SEC14L3: variants seen among roughly 807,000 people sequenced by gnomAD.
SEC14L3 encodes SEC14 like lipid binding 3.
SEC14L3 carries 56 observed loss-of-function variants against 57.4 expected under a neutral mutation model. The observed-to-expected ratio is 0.97, with a 90% CI of 0.79 to 1.22. The LOEUF (loss-of-function observed/expected upper bound fraction) is 1.22. SEC14L3 is among the 50% of genes most tolerant of loss of function. The pLI is 0.00. For synonymous variants in SEC14L3, 173 were observed against 194.4 expected (o/e 0.89, Z 0.92); for missense variants, 485 against 511.7 (o/e 0.95, Z 0.50).
Position 30,461,492 on chromosome 22 carries a change from G to T in SEC14L3, c.912-13C>A, listed in dbSNP as rs781573559. 2.5e-6 allele frequency: 4 copies of T among 1,612,760 alleles called. No homozygotes were observed. Among genetic ancestry groups the T allele is most frequent in the Non-Finnish European group, 2.5e-6 (3 of 1,179,236 alleles). ...TGAGAACTGCCACCTGTCAGGGGGA[G>T]GGGGAGGAGACAGGTTGCTGCTCAG... On this transcript the variant is annotated splice_polypyrimidine_tract_variant and intron_variant, in intron 10 of 11. Transcript: ENST00000215812.
At chr22:30,451,310 G>T (rs1481056455) in intron 12 of SEC14L3, among the ~76,000 whole-genome samples, 5 of 152,104 alleles carry the variant, frequency 3.3e-5, no homozygotes, top group Non-Finnish European at 7.3e-5. Flanking sequence ...CTTGGGTGGG[G>T]TTAGTCGGGG....
At chr22:30,471,601 G>A (rs1046351757) in intron 1 of SEC14L3, among the ~76,000 whole-genome samples, 1 of 152,124 alleles carries the variant, frequency 6.6e-6, no homozygotes, top group African/African-American at 2.4e-5. Flanking sequence ...GGGAGGAACG[G>A]GGGTACCTGG....
intron 1 of SEC14L3, 90 bp from the exon 2 acceptor site, chr22:30,470,672 T>C: frequency 6.3e-7 from 1 of 1,581,514 alleles, no homozygotes. Flanking sequence ...TCTCCTTTCC[T>C]CCCACATGCA....
chr22:30,467,020 T>G lies in SEC14L3; in HGVS notation c.481A>C (p.Lys161Gln), dbSNP rs1403982816. 1.9e-6 allele frequency: 3 copies of G among 1,614,120 alleles called. No homozygotes were observed. The highest frequency in any genetic ancestry group is 2.5e-6 in the Non-Finnish European group (3 of 1,179,998). The stretch of plus-strand genomic sequence containing the variant: ...TCTACCAGAGGTTTCCAGAAGTGTT[T>G]CAGTCCCAGGCCCTCACAGTCAAAT... ...MIFDCEGLGLKHFWKPLVEVY... is the reference protein window; with the variant it reads ...MIFDCEGLGLQHFWKPLVEVY... The change falls in exon 6 of 12, where the codon AAA (lysine) becomes CAA (glutamine). Residue 161 changes from lysine (K) to glutamine (Q), a missense_variant. Coordinates refer to ENST00000215812, the MANE Select transcript of SEC14L3 (RefSeq NM_174975.5).
intron 1 of SEC14L3, among the ~76,000 whole-genome samples, chr22:30,470,923 T>G (rs1264905495): frequency 6.6e-6 from 1 of 151,070 alleles, no homozygotes; most frequent in Non-Finnish European, 1.5e-5. Context: ...GAGAGATGGG[T>G]GGGTGATTGA....
intron 2 of SEC14L3, 90 bp downstream of exon 2, chr22:30,470,417 A>C: frequency 2.5e-6 from 4 of 1,604,086 alleles, no homozygotes; most frequent in Middle Eastern, 2.1e-4. Flanking sequence ...GTGTGGATGG[A>C]CCCTGAGAGC....
At position 30,461,996 on chromosome 22, in the gene SEC14L3, C is replaced by T. The variant is rs895332105; in HGVS notation, c.771+90G>A. ...TTAACACCCAGTTCTTGGCATCTCT[C>T]TATAGGTAATTGTGGATGAATGACT... On this transcript the variant is annotated intron_variant, in intron 9 of 11. Coordinates refer to ENST00000215812, the MANE Select transcript of SEC14L3 (RefSeq NM_174975.5). 5 of 1,354,746 alleles carry T rather than the reference C, an allele frequency of 3.7e-6. No individual in the cohort carries two copies. In the Admixed American group the frequency reaches 9.8e-5, roughly 26 times the overall value. 83.9% of individuals were successfully genotyped at this position (1,354,746 alleles called of 1,614,324 possible).
At chr22:30,452,629 G>T (rs903635538) in intron 12 of SEC14L3, among the ~76,000 whole-genome samples, 1 of 151,868 alleles carries the variant, frequency 6.6e-6, no homozygotes, top group Admixed American at 6.6e-5. Context: ...AAGCCAGCAC[G>T]GGGAGACAGA....
intron 12 of SEC14L3, among the ~76,000 whole-genome samples, chr22:30,451,536 G>T (rs1016681494): frequency 6.6e-6 from 1 of 152,150 alleles, no homozygotes; most frequent in Non-Finnish European, 1.5e-5. Flanking sequence ...CAGAATAGCA[G>T]ATAAGAAAAG....
At chr22:30,466,656 A>C (rs1935426056) in intron 6 of SEC14L3, among the ~76,000 whole-genome samples, 1 of 152,118 alleles carries the variant, frequency 6.6e-6, no homozygotes, top group Non-Finnish European at 1.5e-5. Context: ...TTAAATGTTC[A>C]CTATTTGCCA....
At chr22:30,450,280 G>A (rs548031813) in intron 12 of SEC14L3, among the ~76,000 whole-genome samples, 2 of 152,064 alleles carry the variant, frequency 1.3e-5, no homozygotes, top group Non-Finnish European at 2.9e-5. Context: ...GGAGCTGGAC[G>A]CGATCCTTTG....
At chr22:30,453,998 C>T (rs941386890) in intron 12 of SEC14L3, among the ~76,000 whole-genome samples, 3 of 152,100 alleles carry the variant, frequency 2.0e-5, no homozygotes, top group Non-Finnish European at 4.4e-5. Context: ...GATAGTCATG[C>T]TTGGTCTTGT....
chr22:30,451,991 C>CAAAAAAAAAAA (rs34799395), intron 12 of SEC14L3, among the ~76,000 whole-genome samples: 26 of 33,730 alleles, frequency 7.7e-4, no homozygotes, highest in East Asian at 1.4e-3. Flanking sequence ...GACTCCATCT[C>CAAAAAAAAAAA]AAAAAAAAAA....
chr22:30,470,469 T>G (rs748642322), intron 2 of SEC14L3, 38 bp downstream of exon 2: 1 of 1,613,262 alleles, frequency 6.2e-7, no homozygotes, highest in Non-Finnish European at 8.5e-7. Context: ...CCCCTCTTGA[T>G]GCCCCCTGAT....
intron 2 of SEC14L3, 33 bp downstream of exon 2, chr22:30,470,474 C>T: frequency 1.2e-6 from 2 of 1,613,596 alleles, no homozygotes; most frequent in Middle Eastern, 1.8e-4. Context: ...CTTGATGCCC[C>T]CTGATCCCAA....
chr22:30,463,322 A>G (rs1935324607), intron 8 of SEC14L3, among the ~76,000 whole-genome samples: 1 of 152,164 alleles, frequency 6.6e-6, no homozygotes, highest in Non-Finnish European at 1.5e-5. Flanking sequence ...CCCCAGCCTT[A>G]TGGCTAATCC....
chr22:30,466,011 C>T (rs1288011804), intron 7 of SEC14L3, among the ~76,000 whole-genome samples: 2 of 152,146 alleles, frequency 1.3e-5, no homozygotes, highest in African/African-American at 4.8e-5. Flanking sequence ...GCTGGAGATC[C>T]CTAAAAGGCA....
rs1245833991 is a variant in SEC14L3, at chr22:30,461,432, A to C, written c.959T>G (p.Leu320Arg). The C allele has an allele frequency of 6.2e-7, 1 of 1,613,934 alleles. No individual in the cohort carries two copies. The highest frequency in any genetic ancestry group is 8.5e-7 in the Non-Finnish European group (1 of 1,179,976). The change falls in exon 11 of 12, where the codon CTG becomes CGG. Residue 320 changes from leucine to arginine, a missense_variant. Coordinates refer to ENST00000215812, the MANE Select transcript of SEC14L3 (RefSeq NM_174975.5). ...DGADIGFGVF[L>R]KTKMGERQRA... ...CTGTCGCTCCCCCATCTTGGTCTTC[A>C]GGAAAACTCCGAAGCCGATGTCCGC...
Position 30,466,413 on chromosome 22 carries a change from T to A in SEC14L3, c.520-19A>T, listed in dbSNP as rs1057995. 0.64 allele frequency: 1,032,618 copies of A among 1,612,942 alleles called. 337,044 individuals are homozygous for A. Among genetic ancestry groups the A allele is most frequent in the East Asian group, 0.88 (39,460 of 44,850 alleles). The stretch of plus-strand genomic sequence containing the variant: ...CAAAGAACTGTGGAACCAAGAGAGA[T>A]CCCTTCAGAGAGCACATCACATCTT... On this transcript the variant is annotated intron_variant, in intron 6 of 11. Transcript: ENST00000215812.
Sources: gnomAD v4.1 joint callset for allele counts (sites outside exome capture counted in the v4.1 genomes callset) on GRCh38, gnomAD v4.1.1 for gene constraint, MANE v1.5 for transcripts, NCBI Gene and HGNC (gene_info 2026-07-23, HGNC 2026-07-21) for gene names.